MOCOS: variants seen among roughly 807,000 people sequenced by gnomAD.
MOCOS encodes molybdenum cofactor sulfurase, also known as human molybdenum cofactor sulfurase.
In MOCOS, 86 loss-of-function variants were observed where a neutral mutation model predicts 83.6. The ratio of observed to expected loss-of-function variants is 1.03; its 90% CI spans 0.86 to 1.23. MOCOS has a LOEUF of 1.23. Among genes scored for constraint, MOCOS ranks in the 50% most tolerant of loss-of-function variants. The probability of loss-of-function intolerance (pLI) is 0.00; values close to 1 mark genes in which losing one functional copy is unlikely to be tolerated. For synonymous variants in MOCOS, 445 were observed against 434.7 expected (o/e 1.02, Z -0.29); for missense variants, 1,120 against 1,126.9 (o/e 0.99, Z 0.09).
intron 12 of MOCOS, 91 bp from the exon 13 acceptor site, chr18:36,259,946 A>T (rs2091657368): frequency 6.6e-7 from 1 of 1,525,402 alleles, no homozygotes; most frequent in African/African-American, 1.4e-5. Context: ...TGATGAAGTT[A>T]GGTGTTACAT....
chr18:36,244,997 C>T (rs1410661474), intron 9 of MOCOS, among the ~76,000 whole-genome samples: 1 of 152,092 alleles, frequency 6.6e-6, no homozygotes, highest in Non-Finnish European at 1.5e-5. Flanking sequence ...CCACCCCTTT[C>T]ATCAAGTTTA....
chr18:36,191,360 G>T (rs950152608), intron 1 of MOCOS, among the ~76,000 whole-genome samples: 1 of 152,216 alleles, frequency 6.6e-6, no homozygotes, highest in Non-Finnish European at 1.5e-5. Flanking sequence ...TCTCACGCCA[G>T]CTGCAGCCAC....
intron 3 of MOCOS, 23 bp from the exon 4 acceptor site, chr18:36,199,660 C>G: frequency 1.2e-6 from 2 of 1,612,370 alleles, no homozygotes; most frequent in East Asian, 2.2e-5. Context: ...CCGCGGGTTG[C>G]GGGGATGCTG....
At position 36,215,759 on chromosome 18, in the gene MOCOS, C is replaced by T. The variant is rs200725272; in HGVS notation, c.1579C>T (p.Arg527Cys). 70 of 1,614,234 alleles carry T rather than the reference C, an allele frequency of 4.3e-5. No individual in the cohort carries two copies. In the African/African-American group the frequency reaches 4.9e-4, roughly 11 times the overall value. Reference sequence around the variant, plus strand: ...TGTTATACCTGCTGTCATGGGCAGACGTAGCCTCTCGCCTCAGGAAGATGC... The same window carrying T: ...TGTTATACCTGCTGTCATGGGCAGATGTAGCCTCTCGCCTCAGGAAGATGC... Reference protein sequence around the residue: ...ADVIPAVMGRRSLSPQEDALT... With the variant: ...ADVIPAVMGRCSLSPQEDALT... The change falls in exon 8 of 15, where the codon CGT becomes TGT. Residue 527 changes from arginine (R) to cysteine (C), a missense_variant. Physicochemically the swap from Arg to Cys is radical, Grantham distance 180. Transcript: ENST00000261326.
intron 13 of MOCOS, among the ~76,000 whole-genome samples, chr18:36,263,255 A>G (rs1255150878): frequency 6.6e-6 from 1 of 152,270 alleles, no homozygotes; most frequent in African/African-American, 2.4e-5. Context: ...TGTTGACCTT[A>G]TAATTTCATT....
intron 7 of MOCOS, among the ~76,000 whole-genome samples, chr18:36,213,704 G>GGGC (rs1350552560): frequency 5.9e-5 from 9 of 152,024 alleles, no homozygotes; most frequent in East Asian, 1.9e-4. Flanking sequence ...CGAGGCAGGT[G>GGGC]GATCACCTGA....
chr18:36,270,792 G>A lies in MOCOS; in HGVS notation c.*2107G>A, dbSNP rs1221528770. 2 of 151,732 alleles carry A rather than the reference G, an allele frequency of 1.3e-5. No homozygotes were observed. The highest frequency in any genetic ancestry group is 2.4e-5 in the African/African-American group (1 of 41,272). 9.4% of individuals were successfully genotyped at this position (151,732 alleles called of 1,614,324 possible). A position where few individuals can be genotyped will look rare whatever the true frequency, so the allele number is the denominator to read the frequency against. On this transcript the variant is annotated 3_prime_UTR_variant, in exon 15 of 15. Coordinates refer to ENST00000261326, the MANE Select transcript of MOCOS (RefSeq NM_017947.4). ...ATCCACGTCTATGTCACCTTTTGCAGTAGATACTTTCATGACTGATTTCAG... is the reference window on the plus strand; with the variant it reads ...ATCCACGTCTATGTCACCTTTTGCAATAGATACTTTCATGACTGATTTCAG...
At chr18:36,224,095 A>G (rs1346998377) in intron 9 of MOCOS, among the ~76,000 whole-genome samples, 1 of 152,154 alleles carries the variant, frequency 6.6e-6, no homozygotes, top group Non-Finnish European at 1.5e-5. Context: ...TTTTTAGTGT[A>G]TAGAAATGCA....
In MOCOS at chr18:36,215,467, T is replaced by C. The variant is rs540889889; in HGVS notation, c.1336-49T>C. ...ATTTTGCCGAACTGTTTCCAGTGTC[T>C]CTATGAGAAAGGGGTCACTCTGGCT... On this transcript the variant is annotated intron_variant, in intron 7 of 14. Coordinates refer to ENST00000261326, the MANE Select transcript of MOCOS (RefSeq NM_017947.4). 34 of 1,560,106 alleles carry C rather than the reference T, an allele frequency of 2.2e-5. 1 individual carries two copies. The South Asian group carries it at 3.6e-4, about 17-fold the overall frequency.
rs149570038 is a variant in MOCOS, at chr18:36,229,945, T to A, written c.1960+9728T>A. On this transcript the variant is annotated intron_variant, in intron 9 of 14. Transcript: ENST00000261326. Reference sequence around the variant, plus strand: ...TGGTGACTGTCTTTATAGAGTTATTTTAAACTCTCTGTCAGGTAAACCATA... The same window carrying A: ...TGGTGACTGTCTTTATAGAGTTATTATAAACTCTCTGTCAGGTAAACCATA... 3.5e-3 allele frequency among the ~76,000 whole-genome samples: 540 copies of A among 152,274 alleles called. 2 individuals carry two copies. Among genetic ancestry groups the A allele is most frequent in the African/African-American group, 0.011 (476 of 41,554 alleles).
At chr18:36,191,135 G>A (rs1010740759) in intron 1 of MOCOS, among the ~76,000 whole-genome samples, 7 of 151,226 alleles carry the variant, frequency 4.6e-5, no homozygotes, top group Non-Finnish European at 5.9e-5. Context: ...TGCTTGCTTC[G>A]CTTTCCACCA....
At chr18:36,194,345 G>A (rs1377269883) in intron 1 of MOCOS, among the ~76,000 whole-genome samples, 1 of 152,200 alleles carries the variant, frequency 6.6e-6, no homozygotes, top group Non-Finnish European at 1.5e-5. Context: ...ATAAGTGAAT[G>A]AATGGATCTC....
At chr18:36,235,378 G>A (rs1454766850) in intron 9 of MOCOS, among the ~76,000 whole-genome samples, 2 of 130,854 alleles carry the variant, frequency 1.5e-5, no homozygotes, top group East Asian at 2.2e-4. Flanking sequence ...GAGAATATGC[G>A]GTGTTTGGTT....
chr18:36,252,335 A>C (rs988078925), intron 11 of MOCOS, among the ~76,000 whole-genome samples: 2 of 152,166 alleles, frequency 1.3e-5, no homozygotes, highest in African/African-American at 2.4e-5. Flanking sequence ...AGCCTGGGCA[A>C]CATGGCAAGA....
chr18:36,216,736 A>C (rs995582030), intron 8 of MOCOS, among the ~76,000 whole-genome samples: 5 of 152,242 alleles, frequency 3.3e-5, no homozygotes, highest in African/African-American at 1.2e-4. Context: ...TTCTGAAAAT[A>C]TCTCTCCATA....
rs536363393 is a variant in MOCOS, at chr18:36,259,827, C to G, written c.2271-210C>G. Among the ~76,000 whole-genome samples, 4 of 152,270 alleles carry G rather than the reference C, an allele frequency of 2.6e-5. No individual in the cohort carries two copies. The South Asian group carries it at 6.2e-4, about 24-fold the overall frequency. ...GTGGGACTCTCACTGGAGATGGGAC[C>G]GTATCCCAGGGGAGGCCCTGATGCC... On this transcript the variant is annotated intron_variant, in intron 12 of 14. Coordinates refer to ENST00000261326, the MANE Select transcript of MOCOS (RefSeq NM_017947.4).
chr18:36,234,569 A>C (rs961680104), intron 9 of MOCOS, among the ~76,000 whole-genome samples: 3 of 152,170 alleles, frequency 2.0e-5, no homozygotes, highest in Admixed American at 2.0e-4. Flanking sequence ...TCTGTGAATA[A>C]TGATGACGGC....
At position 36,187,568 on chromosome 18, in the gene MOCOS, G is replaced by C; in HGVS notation, c.29G>C (p.Arg10Pro). 1 of 1,245,084 alleles carries C rather than the reference G, an allele frequency of 8.0e-7. No homozygotes were observed. The highest frequency in any genetic ancestry group is 1.0e-6 in the Non-Finnish European group (1 of 994,466). The allele number at this position is 1,245,084 out of a possible 1,614,324, so 77.1% of individuals were successfully genotyped here. Residue 10 changes from arginine to proline, a missense_variant, in exon 1 of 15, where the codon CGG (arginine) becomes CCG (proline). By Grantham distance (103) the Arg-to-Pro change is moderately radical. Transcript: ENST00000261326. MAGAAAESG[R>P]ELWTFAGSRD... is the part of the protein sequence containing the mutation. ...GCCGGCGCGGCGGCGGAGTCAGGGC[G>C]GGAGCTGTGGACCTTCGCGGGTTCC...
intron 9 of MOCOS, among the ~76,000 whole-genome samples, chr18:36,231,079 T>C (rs1338271972): frequency 6.6e-6 from 1 of 152,206 alleles, no homozygotes; most frequent in Non-Finnish European, 1.5e-5. Flanking sequence ...AGGTTTTTGA[T>C]TGATTTATTT....
Sources: gnomAD v4.1 joint callset for allele counts (sites outside exome capture counted in the v4.1 genomes callset) on GRCh38, gnomAD v4.1.1 for gene constraint, MANE v1.5 for transcripts, NCBI Gene and HGNC (gene_info 2026-07-23, HGNC 2026-07-21) for gene names.